FSTL5: variants seen among roughly 807,000 people sequenced by gnomAD.
FSTL5 encodes follistatin like 5.
A neutral mutation model predicts 89.1 loss-of-function variants in FSTL5; 62 were observed. The observed-to-expected ratio is 0.70, with a 90% CI of 0.57 to 0.86. The LOEUF (loss-of-function observed/expected upper bound fraction) is 0.86, where lower values mean the gene tolerates loss of function less well. Among genes scored for constraint, FSTL5 ranks in the 40% least tolerant of loss-of-function variants. The pLI, the probability that FSTL5 is intolerant of heterozygous loss-of-function variation, is 0.00. For synonymous variants in FSTL5, 383 were observed against 346.2 expected (o/e 1.11, Z -1.18); for missense variants, 1,057 against 1,001.6 (o/e 1.06, Z -0.75).
chr4:161,740,743 G>C (rs1193181305), intron 6 of FSTL5, among the ~76,000 whole-genome samples: 2 of 152,140 alleles, frequency 1.3e-5, no homozygotes, highest in African/African-American at 4.8e-5. Flanking sequence ...CATAAAATAG[G>C]TATTTGGATC....
Position 161,593,452 on chromosome 4 carries a change from G to C in FSTL5, c.895-5877C>G, listed in dbSNP as rs148590022. The stretch of plus-strand genomic sequence containing the variant: ...ACACGATTATGGAGCTATTGAATCT[G>C]ACCTTGAAAATGATAAAAATCTTCT... On this transcript the variant is annotated intron_variant, in intron 7 of 15. Transcript: ENST00000306100. Among the ~76,000 whole-genome samples the C allele has an allele frequency of 8.1e-3, 1,223 of 151,826 alleles. 9 individuals are homozygous for C. The highest frequency in any genetic ancestry group is 0.048 in the Middle Eastern group (14 of 294).
At chr4:161,766,945 T>C (rs1187891745) in intron 5 of FSTL5, among the ~76,000 whole-genome samples, 1 of 151,812 alleles carries the variant, frequency 6.6e-6, no homozygotes, top group Non-Finnish European at 1.5e-5. Flanking sequence ...GATAGATAGA[T>C]AGATAGATAG....
In FSTL5 at chr4:161,767,199, C is replaced by A. The variant is rs192989943; in HGVS notation, c.607-7668G>T. On this transcript the variant is annotated intron_variant, in intron 5 of 15. Transcript: ENST00000306100. Reference sequence around the variant, plus strand: ...ATGTTGGCCTGTCAAAAAGAATATGCCCATACCTTAGGTTATTTCATTCAG... The same window carrying A: ...ATGTTGGCCTGTCAAAAAGAATATGACCATACCTTAGGTTATTTCATTCAG... Among the ~76,000 whole-genome samples, 569 of 152,224 alleles carry A rather than the reference C, an allele frequency of 3.7e-3. 12 individuals carry two copies. The highest frequency in any genetic ancestry group is 7.6e-4 in the Non-Finnish European group (52 of 68,012).
rs539577294 is a variant in FSTL5 at position 161,638,469 on chromosome 4, C to T, written c.894+17859G>A. Among the ~76,000 whole-genome samples, 25 of 152,184 alleles carry T rather than the reference C, an allele frequency of 1.6e-4. 2 individuals are homozygous for T. The East Asian group carries it at 2.9e-3, about 18-fold the overall frequency. On this transcript the variant is annotated intron_variant, in intron 7 of 15. Coordinates refer to ENST00000306100, the MANE Select transcript of FSTL5 (RefSeq NM_020116.5). ...AATACCCTTTATTTCCTTCTCCTGC[C>T]TAATTGCCCTGGCCAGAACTTCCAA...
At chr4:161,524,303 AATGT>A (rs1731134027) in intron 10 of FSTL5, among the ~76,000 whole-genome samples, 1 of 152,002 alleles carries the variant, frequency 6.6e-6, no homozygotes, top group Admixed American at 6.6e-5. Flanking sequence ...GGACCAAATC[AATGT>A]ATTTCCTGAA....
intron 6 of FSTL5, among the ~76,000 whole-genome samples, chr4:161,707,699 T>C (rs1738629142): frequency 6.6e-6 from 1 of 151,954 alleles, no homozygotes; most frequent in East Asian, 1.9e-4. Context: ...TTTCCTCTTA[T>C]TTTGCAATTT....
At chr4:162,141,654 C>T (rs1212343859) in intron 1 of FSTL5, among the ~76,000 whole-genome samples, 2 of 152,106 alleles carry the variant, frequency 1.3e-5, no homozygotes, top group Non-Finnish European at 2.9e-5. Context: ...GCAGAGAATT[C>T]TGCAGGACAA....
chr4:161,397,251 T>C (rs979459204), intron 15 of FSTL5, among the ~76,000 whole-genome samples: 1 of 152,094 alleles, frequency 6.6e-6, no homozygotes, highest in African/African-American at 2.4e-5. Flanking sequence ...TATATATACA[T>C]GCACATAAAA....
intron 15 of FSTL5, among the ~76,000 whole-genome samples, chr4:161,432,304 T>A (rs1310890256): frequency 6.6e-6 from 1 of 152,084 alleles, no homozygotes; most frequent in Non-Finnish European, 1.5e-5. Context: ...ACAAGAGGAA[T>A]TTTGAAAACT....
At chr4:161,926,947 C>T (rs1734143951) in intron 3 of FSTL5, among the ~76,000 whole-genome samples, 1 of 151,704 alleles carries the variant, frequency 6.6e-6, no homozygotes, top group African/African-American at 2.4e-5. Flanking sequence ...TTGGTAGATA[C>T]AGAGACAGAA....
intron 4 of FSTL5, among the ~76,000 whole-genome samples, chr4:161,905,382 C>T (rs1733493621): frequency 6.6e-6 from 1 of 152,088 alleles, no homozygotes. Context: ...GTCATTACCA[C>T]ATTGTAGATG....
intron 4 of FSTL5, among the ~76,000 whole-genome samples, chr4:161,801,254 T>C (rs1289551496): frequency 6.6e-6 from 1 of 151,632 alleles, no homozygotes; most frequent in Non-Finnish European, 1.5e-5. Flanking sequence ...ATTTCCTATA[T>C]GAACTATATT....
intron 7 of FSTL5, among the ~76,000 whole-genome samples, chr4:161,594,508 T>G (rs1733941128): frequency 6.6e-6 from 1 of 152,092 alleles, no homozygotes; most frequent in Non-Finnish European, 1.5e-5. Context: ...TTAAAGTGTT[T>G]TATTGAAATC....
chr4:161,867,228 C>A lies in FSTL5; in HGVS notation c.409+53176G>T, dbSNP rs1468030003. 2.0e-5 allele frequency among the ~76,000 whole-genome samples: 3 copies of A among 151,930 alleles called. No individual in the cohort carries two copies. The East Asian group carries it at 5.8e-4, about 29-fold the overall frequency. ...TAATATTATTATATTTGCATGTTTA[C>A]CTACTATCTTGAAATTGGCTTTTAA... On this transcript the variant is annotated intron_variant, in intron 4 of 15. Coordinates refer to ENST00000306100, the MANE Select transcript of FSTL5 (RefSeq NM_020116.5).
chr4:161,994,805 A>C (rs1736241011), intron 3 of FSTL5, among the ~76,000 whole-genome samples: 1 of 152,162 alleles, frequency 6.6e-6, no homozygotes. Flanking sequence ...CACAGTTTGC[A>C]AAAGTTTTTC....
At chr4:161,966,728 A>C (rs1735337384) in intron 3 of FSTL5, among the ~76,000 whole-genome samples, 1 of 152,112 alleles carries the variant, frequency 6.6e-6, no homozygotes, top group Non-Finnish European at 1.5e-5. Context: ...CCCTGCTGAC[A>C]CGTCCATCTT....
chr4:161,540,858 T>C (rs537703281), intron 9 of FSTL5, among the ~76,000 whole-genome samples: 3 of 152,284 alleles, frequency 2.0e-5, no homozygotes, highest in Admixed American at 1.3e-4. Context: ...ATGCCTTTTA[T>C]TGAACTTTCT....
chr4:161,830,810 C>A (rs1474389712), intron 4 of FSTL5, among the ~76,000 whole-genome samples: 1 of 151,804 alleles, frequency 6.6e-6, no homozygotes, highest in Non-Finnish European at 1.5e-5. Flanking sequence ...AGTAAACCAG[C>A]ATTTCTTCAA....
chr4:161,470,794 A>AATT (rs1733908580), intron 13 of FSTL5, among the ~76,000 whole-genome samples: 1 of 152,058 alleles, frequency 6.6e-6, no homozygotes. Context: ...TTTCCCTTGT[A>AATT]TGTCTTTCAC....
Sources: allele counts gnomAD v4.1 joint callset (sites outside exome capture counted in the v4.1 genomes callset), GRCh38; gene constraint gnomAD v4.1.1; transcripts MANE v1.5; gene names NCBI Gene and HGNC (gene_info 2026-07-23, HGNC 2026-07-21).